PRKACA: variants seen among roughly 807,000 people sequenced by gnomAD.
PRKACA encodes cAMP-dependent protein kinase catalytic subunit alpha.
PRKACA carries 9 observed loss-of-function variants against 45.8 expected under a neutral mutation model. The observed-to-expected ratio is 0.20, with a 90% CI of 0.12 to 0.34. The LOEUF is 0.34. Ranked by LOEUF, PRKACA falls within the 10% of genes least tolerant of loss-of-function variation. PRKACA has a pLI of 1.00. For synonymous variants in PRKACA, 160 were observed against 178.6 expected, an observed-to-expected ratio of 0.90 and a Z score of 0.83; for missense variants, 238 against 458.6, an observed-to-expected ratio of 0.52 and a Z score of 4.39.
At chr19:14,094,543 C>G (rs1176229597) in intron 8 of PRKACA, among the ~76,000 whole-genome samples, 1 of 152,174 alleles carries the variant, frequency 6.6e-6, no homozygotes, top group African/African-American at 2.4e-5. Context: ...GGAAAGGGGT[C>G]CCTTTTAAGA....
intron 1 of PRKACA, chr19:14,114,138 G>A: frequency 1.2e-6 from 2 of 1,611,314 alleles, no homozygotes; most frequent in Non-Finnish European, 8.5e-7. Context: ...CCTCACCATC[G>A]CTGGAGTTGG....
chr19:14,113,619 A>G (rs1365704264), intron 1 of PRKACA, among the ~76,000 whole-genome samples: 1 of 152,054 alleles, frequency 6.6e-6, no homozygotes, highest in Non-Finnish European at 1.5e-5. Flanking sequence ...CCTCCGGACA[A>G]CAATCTCAGA....
At chr19:14,111,516 G>A (rs895642247) in intron 1 of PRKACA, among the ~76,000 whole-genome samples, 14 of 152,232 alleles carry the variant, frequency 9.2e-5, no homozygotes, top group African/African-American at 2.4e-4. Context: ...AGTCCTAGAT[G>A]GGTGCCTGGC....
In PRKACA at chr19:14,114,229, G is replaced by A; in HGVS notation, c.46+3273C>T. On this transcript the variant is annotated intron_variant, in intron 1 of 9. Transcript: ENST00000308677. The stretch of plus-strand genomic sequence containing the variant: ...TCATGAGACCTGCCGTGTCTGTTCG[G>A]CTGTCTGTCCCCAGAACCCTGCCTG... 6.4e-6 allele frequency: 10 copies of A among 1,572,546 alleles called. No individual in the cohort carries two copies. In the South Asian group the frequency reaches 1.0e-4, roughly 16 times the overall value.
At chr19:14,117,469 G>T (rs1342600685) in intron 1 of PRKACA, 33 bp downstream of exon 1, 1 of 1,257,642 alleles carries the variant, frequency 8.0e-7, no homozygotes, top group Non-Finnish European at 1.0e-6. Context: ...GGCAGCGCAG[G>T]GCCAAGATCG....
chr19:14,099,635 T>A (rs1977383098), intron 5 of PRKACA, among the ~76,000 whole-genome samples: 1 of 150,340 alleles, frequency 6.7e-6, no homozygotes, highest in African/African-American at 2.4e-5. Context: ...GGGGTCTTGC[T>A]ATGTAAGGCT....
intron 4 of PRKACA, among the ~76,000 whole-genome samples, 194 bp downstream of exon 4, chr19:14,102,622 T>C (rs1396326700): frequency 6.6e-6 from 1 of 152,218 alleles, no homozygotes; most frequent in Non-Finnish European, 1.5e-5. Flanking sequence ...ACAAACTGGC[T>C]GGACCAGGAA....
rs181393862 is a variant in PRKACA, at chr19:14,092,328, A to G, written c.*784T>C. 1.5e-5 allele frequency: 4 copies of G among 275,178 alleles called. No homozygotes were observed. In the South Asian group the frequency reaches 6.8e-4, roughly 46 times the overall value. The allele number at this position is 275,178 out of a possible 1,614,324, so 17.0% of individuals were successfully genotyped here. A position where few individuals can be genotyped will look rare whatever the true frequency, so the allele number is the denominator to read the frequency against. On this transcript the variant is annotated 3_prime_UTR_variant, in exon 10 of 10. Transcript: ENST00000308677. The stretch of plus-strand genomic sequence containing the variant: ...AAGGGTGAAGACAGGTCTGTTGGGG[A>G]AAAAGAGAGCGGAGGCTTCCTAAAG...
At chr19:14,110,717 C>T (rs1966942298) in intron 1 of PRKACA, among the ~76,000 whole-genome samples, 1 of 152,190 alleles carries the variant, frequency 6.6e-6, no homozygotes, top group Non-Finnish European at 1.5e-5. Context: ...GGACCAGCCC[C>T]TTGCTGAGTA....
chr19:14,114,362 C>T (rs778367353), intron 1 of PRKACA, among the ~76,000 whole-genome samples: 3 of 152,106 alleles, frequency 2.0e-5, no homozygotes, highest in Admixed American at 6.6e-5. Flanking sequence ...TCTGTAGACG[C>T]GGTTGCGCTA....
chr19:14,098,843 A>G (rs76158371), intron 5 of PRKACA, among the ~76,000 whole-genome samples: 1 of 151,430 alleles, frequency 6.6e-6, no homozygotes, highest in Non-Finnish European at 1.5e-5. Context: ...AAGGGATTCA[A>G]GGGAATTTTC....
chr19:14,110,008 A>ACC, intron 1 of PRKACA, among the ~76,000 whole-genome samples: 1 of 125,638 alleles, frequency 8.0e-6, no homozygotes, highest in Admixed American at 8.2e-5. Context: ...ATACACACAC[A>ACC]CACACACACA....
chr19:14,106,951 C>G (rs911799338), intron 2 of PRKACA, 63 bp from the exon 3 acceptor site: 1 of 1,588,864 alleles, frequency 6.3e-7, no homozygotes, highest in South Asian at 1.1e-5. Context: ...TGGCTAAGGT[C>G]TGGGGCATCC....
At chr19:14,112,951 G>T (rs1967011430) in intron 1 of PRKACA, among the ~76,000 whole-genome samples, 1 of 152,178 alleles carries the variant, frequency 6.6e-6, no homozygotes, top group Admixed American at 6.5e-5. Context: ...AGAACAGCTG[G>T]AGAGAAAGGC....
chr19:14,116,182 T>A (rs946532958), intron 1 of PRKACA, among the ~76,000 whole-genome samples: 1 of 152,190 alleles, frequency 6.6e-6, no homozygotes, highest in African/African-American at 2.4e-5. Flanking sequence ...TCTGGGTAAG[T>A]GGACAGGGGA....
chr19:14,115,154 CAT>C, intron 1 of PRKACA: 2 of 972,386 alleles, frequency 2.1e-6, no homozygotes, highest in Non-Finnish European at 2.4e-6. Context: ...CAACGTGTGA[CAT>C]AGTCCCATTG....
chr19:14,104,619 C>T (rs905958087), intron 3 of PRKACA, among the ~76,000 whole-genome samples: 14 of 151,252 alleles, frequency 9.3e-5, no homozygotes, highest in South Asian at 4.2e-4. Flanking sequence ...TGGCGTGAAC[C>T]CGGGAGGCAG....
chr19:14,100,792 G>A (rs758140283), intron 5 of PRKACA, 34 bp downstream of exon 5: 2 of 1,605,774 alleles, frequency 1.2e-6, no homozygotes, highest in Non-Finnish European at 1.7e-6. Context: ...TGGACACCCT[G>A]ACAGCCTGAT....
intron 1 of PRKACA, among the ~76,000 whole-genome samples, chr19:14,109,997 T>TATACACACACACACAC (rs1555774922): frequency 7.0e-5 from 5 of 71,738 alleles, no homozygotes; most frequent in African/African-American, 3.8e-4. Flanking sequence ...TATATATATA[T>TATACACACACACACAC]ATACACACAC....
Sources: gnomAD v4.1 joint callset for allele counts (sites outside exome capture counted in the v4.1 genomes callset) on GRCh38, gnomAD v4.1.1 for gene constraint, MANE v1.5 for transcripts, NCBI Gene and HGNC (gene_info 2026-07-23, HGNC 2026-07-21) for gene names.